PLSCR2: variants seen among roughly 807,000 people sequenced by gnomAD.
PLSCR2 encodes PL scramblase 2.
PLSCR2 carries 18 observed loss-of-function variants against 25.3 expected under a neutral mutation model. The ratio of observed to expected loss-of-function variants is 0.71; its 90% CI spans 0.49 to 1.06. PLSCR2 has a LOEUF of 1.06. Among genes scored for constraint, PLSCR2 ranks in the 50% least tolerant of loss-of-function variants. The probability of loss-of-function intolerance (pLI) is 0.00; values close to 1 mark genes in which losing one functional copy is unlikely to be tolerated. For synonymous variants in PLSCR2, 88 were observed against 87.3 expected (o/e 1.01, Z -0.04); for missense variants, 243 against 269.5 (o/e 0.90, Z 0.69).
chr3:146,477,644 C>G (rs1047561746), intron 1 of PLSCR2, among the ~76,000 whole-genome samples: 2 of 152,240 alleles, frequency 1.3e-5, no homozygotes, highest in Non-Finnish European at 2.9e-5. Context: ...TAGATTTCAC[C>G]TTTGTGGGCA....
intron 2 of PLSCR2, among the ~76,000 whole-genome samples, chr3:146,420,633 A>G (rs1395159763): frequency 6.6e-6 from 1 of 152,108 alleles, no homozygotes; most frequent in African/African-American, 2.4e-5. Context: ...CTAGTTTAAT[A>G]AAGCAATATA....
intron 1 of PLSCR2, among the ~76,000 whole-genome samples, chr3:146,468,345 C>T (rs979067311): frequency 2.6e-5 from 4 of 152,186 alleles, no homozygotes; most frequent in Non-Finnish European, 5.9e-5. Flanking sequence ...GCCCCCAAAC[C>T]GCCTGACACT....
intron 1 of PLSCR2, among the ~76,000 whole-genome samples, chr3:146,492,928 A>G (rs145596889): frequency 0.018 from 2,665 of 152,088 alleles, 36 homozygotes; most frequent in Non-Finnish European, 0.023. Flanking sequence ...TAAAGAAAAA[A>G]AGAGAAAATC....
At chr3:146,442,005 A>G (rs1053129304) in intron 6 of PLSCR2, among the ~76,000 whole-genome samples, 184 bp from the exon 7 acceptor site, 2 of 152,224 alleles carry the variant, frequency 1.3e-5, no homozygotes, top group Admixed American at 6.5e-5. Flanking sequence ...CTATTTTAAT[A>G]GAAATTAAAT....
At chr3:146,451,107 C>CTTTTT (rs58373001) in intron 5 of PLSCR2, among the ~76,000 whole-genome samples, 38 of 79,492 alleles carry the variant, frequency 4.8e-4, no homozygotes, top group East Asian at 8.1e-4. Flanking sequence ...ATTAAGTTTT[C>CTTTTT]TTTTTTTTTT....
chr3:146,441,663 G>A (rs1449148286), downstream of PLSCR2: 7 of 645,358 alleles, frequency 1.1e-5, no homozygotes, highest in Non-Finnish European at 1.9e-5. Flanking sequence ...TCACACAGGT[G>A]TAAGTAATTT....
At chr3:146,489,552 A>G (rs1720242) in intron 1 of PLSCR2, among the ~76,000 whole-genome samples, 49,020 of 151,910 alleles carry the variant, frequency 0.32, 7,953 homozygotes, top group South Asian at 0.41. Context: ...CACATTTACT[A>G]ATTTCTCTCT....
chr3:146,449,706 T>G (rs912230351), intron 5 of PLSCR2, among the ~76,000 whole-genome samples: 3 of 152,200 alleles, frequency 2.0e-5, no homozygotes, highest in African/African-American at 4.8e-5. Context: ...AAGTATTTCT[T>G]TGATATAATT....
chr3:146,457,893 A>G (rs2041310134), intron 3 of PLSCR2, among the ~76,000 whole-genome samples: 1 of 151,658 alleles, frequency 6.6e-6, no homozygotes, highest in East Asian at 1.9e-4. Flanking sequence ...GTCATCCCAC[A>G]GTATTTGTAG....
intron 2 of PLSCR2, among the ~76,000 whole-genome samples, chr3:146,400,583 A>G (rs2038433932): frequency 6.8e-6 from 1 of 147,384 alleles, no homozygotes; most frequent in South Asian, 2.2e-4. Flanking sequence ...ATTAAATACC[A>G]TCAATATCTC....
chr3:146,397,484 G>A (rs2038314187), intron 2 of PLSCR2, among the ~76,000 whole-genome samples: 1 of 151,934 alleles, frequency 6.6e-6, no homozygotes, highest in Non-Finnish European at 1.5e-5. Context: ...CTTATTCATA[G>A]CCAAAAGTAT....
intron 2 of PLSCR2, among the ~76,000 whole-genome samples, chr3:146,421,396 C>A (rs2039145387): frequency 6.6e-6 from 1 of 151,942 alleles, no homozygotes; most frequent in Admixed American, 6.6e-5. Flanking sequence ...GTTATAGATT[C>A]TTTAGCCTGA....
chr3:146,470,285 C>G (rs1439411386), intron 1 of PLSCR2, among the ~76,000 whole-genome samples: 49 of 152,078 alleles, frequency 3.2e-4, no homozygotes, highest in Non-Finnish European at 5.9e-5. Context: ...ATTTACACGC[C>G]TGAAACCCTA....
intron 1 of PLSCR2, among the ~76,000 whole-genome samples, chr3:146,490,426 G>C (rs146606585): frequency 1.6e-3 from 246 of 152,104 alleles, no homozygotes; most frequent in African/African-American, 5.7e-3. Flanking sequence ...TCGTAGATCT[G>C]TTTGACACTG....
chr3:146,469,158 A>C, intron 1 of PLSCR2: 2 of 985,472 alleles, frequency 2.0e-6, no homozygotes, highest in Non-Finnish European at 1.2e-6. Flanking sequence ...TAGCCCCACT[A>C]TGCTGGCACA....
chr3:146,478,353 T>TA (rs2042998029), intron 1 of PLSCR2, among the ~76,000 whole-genome samples: 1 of 152,186 alleles, frequency 6.6e-6, no homozygotes, highest in African/African-American at 2.4e-5. Flanking sequence ...GATAAAATGT[T>TA]AGATGAATGG....
intron 1 of PLSCR2, among the ~76,000 whole-genome samples, chr3:146,492,317 A>G (rs2043580562): frequency 6.6e-6 from 1 of 152,202 alleles, no homozygotes. Context: ...ACAGACATCT[A>G]TAGAATAATC....
intron 1 of PLSCR2, among the ~76,000 whole-genome samples, chr3:146,467,085 T>C (rs896141009): frequency 2.0e-5 from 3 of 152,228 alleles, no homozygotes; most frequent in African/African-American, 4.8e-5. Context: ...TTTAGCACTG[T>C]TCAAGGCAGT....
chr3:146,460,303 T>A, exon 1 of PLSCR2: 1 of 1,021,492 alleles, frequency 9.8e-7, no homozygotes, highest in Non-Finnish European at 1.3e-6. Context: ...AGAGTCGGCC[T>A]AGAGCTTTAC....
Sources: gnomAD v4.1 joint callset for allele counts (sites outside exome capture counted in the v4.1 genomes callset) on GRCh38, gnomAD v4.1.1 for gene constraint, MANE v1.5 for transcripts, NCBI Gene and HGNC (gene_info 2026-07-23, HGNC 2026-07-21) for gene names.